The following PNPLA7 variants were observed in gnomAD, a reference collection of about 807,000 sequenced individuals.
PNPLA7 encodes the protein patatin like domain 7, lysophospholipase.
A neutral mutation model predicts 161.7 loss-of-function variants in PNPLA7; 153 were observed. That is an observed-to-expected ratio of 0.95 (90% CI 0.83 to 1.08). PNPLA7 has a LOEUF of 1.08. Among genes scored for constraint, PNPLA7 ranks in the 50% least tolerant of loss-of-function variants. The pLI is 0.00. For missense variants in PNPLA7, 1,739 were observed against 1,856.6 expected, an observed-to-expected ratio of 0.94 and a Z score of 1.16; for synonymous variants, 809 against 782.1, an observed-to-expected ratio of 1.03 and a Z score of -0.57.
At chr9:137,542,208 C>T (rs1211525730) in intron 7 of PNPLA7, among the ~76,000 whole-genome samples, 1 of 152,206 alleles carries the variant, frequency 6.6e-6, no homozygotes, top group African/African-American at 2.4e-5. Flanking sequence ...GTGCCTCATG[C>T]CTGTAATTCC....
rs762361036 is a variant in PNPLA7, at chr9:137,521,694, C to A, written c.899G>T (p.Arg300Met). The stretch of plus-strand genomic sequence containing the variant: ...GTTGTGCAGAGCCAGAAAGGTCACC[C>A]TCTGCAGCCGCACCATGATGATCTG... ...VVQIIMVRLQ[R>M]VTFLALHNYL... Residue 300 changes from arginine (R) to methionine (M), a missense_variant, in exon 10 of 35, where the codon AGG becomes ATG. Arg to Met is a moderately conservative substitution (Grantham distance 91). Around this residue, in one of 6 missense-constraint regions of PNPLA7, gnomAD observed 152 missense variants for 193.5 expected, o/e 0.79. Transcript: ENST00000406427. The A allele has an allele frequency of 9.3e-6, 15 of 1,611,388 alleles. No individual in the cohort carries two copies. In the South Asian group the frequency reaches 1.6e-4, roughly 18 times the overall value.
At chr9:137,534,634 G>A (rs1259741725) in intron 8 of PNPLA7, among the ~76,000 whole-genome samples, 1 of 152,194 alleles carries the variant, frequency 6.6e-6, no homozygotes, top group Non-Finnish European at 1.5e-5. Context: ...CCAGCGTCCT[G>A]CTCAGTCCTC....
intron 8 of PNPLA7, among the ~76,000 whole-genome samples, chr9:137,534,660 CCT>C (rs993325300): frequency 9.8e-5 from 15 of 152,344 alleles, no homozygotes; most frequent in African/African-American, 3.6e-4. Context: ...GGGAGTGTCC[CCT>C]GTTAACGAGC....
At chr9:137,494,380 C>T (rs887417270) in intron 19 of PNPLA7, among the ~76,000 whole-genome samples, 5 of 152,160 alleles carry the variant, frequency 3.3e-5, no homozygotes, top group Admixed American at 6.5e-5. Context: ...GCAGCCTGGG[C>T]GCCTCTCCAG....
Position 137,505,696 on chromosome 9 carries a change from G to C in PNPLA7, c.1391C>G (p.Thr464Arg), listed in dbSNP as rs145146000. The C allele has an allele frequency of 9.9e-6, 16 of 1,614,006 alleles. No homozygotes were observed. The African/African-American group carries it at 1.1e-4, about 11-fold the overall frequency. Residue 464 changes from threonine (T) to arginine (R), a missense_variant, in exon 14 of 35, where the codon ACG becomes AGG. Physicochemically the swap from Thr to Arg is moderately conservative, Grantham distance 71. This residue lies in a region of PNPLA7 where 481 missense variants were observed against 450.0 expected (regional missense o/e 1.07). Coordinates refer to ENST00000406427, the MANE Select transcript of PNPLA7 (RefSeq NM_001098537.3). ...CTTCCTGCTGGCCAGGGTCTCATCC[G>C]TGTGACTCTCTGAGTGCTGGGAGAC... is the stretch of plus-strand genomic sequence containing the variant. ...STVSQHSESH[T>R]DETLASRKSD...
chr9:137,537,488 T>C lies in PNPLA7; in HGVS notation c.747+3154A>G, dbSNP rs1259769002. On this transcript the variant is annotated intron_variant, in intron 8 of 34. Transcript: ENST00000406427. This position sits in a 1 kb window ranked among gnomAD's most constrained non-coding sequence, Gnocchi z 4.5. ...ACCCGCCACCACACCCAGCTAATTT[T>C]TGTATTTTTAGTAGGGATGGGTTTC... 6.6e-6 allele frequency among the ~76,000 whole-genome samples: 1 copy of C among 152,152 alleles called. No individual in the cohort carries two copies. Among genetic ancestry groups the C allele is most frequent in the Non-Finnish European group, 1.5e-5 (1 of 68,028 alleles).
At chr9:137,519,362 C>T (rs970129825) in intron 11 of PNPLA7, among the ~76,000 whole-genome samples, 34 of 152,166 alleles carry the variant, frequency 2.2e-4, no homozygotes, top group Admixed American at 3.3e-4. Flanking sequence ...GAGAGCCCAT[C>T]GCGGGAGGCC....
At chr9:137,522,588 T>C in intron 9 of PNPLA7, 141 bp downstream of exon 9, 1 of 941,774 alleles carries the variant, frequency 1.1e-6, no homozygotes, top group Non-Finnish European at 1.6e-6. Context: ...TCTCTATTCC[T>C]CTGAAATCAC....
At chr9:137,493,205 C>G in intron 19 of PNPLA7, 123 bp from the exon 20 acceptor site, 1 of 994,888 alleles carries the variant, frequency 1.0e-6, no homozygotes, top group South Asian at 1.4e-5. Context: ...TTTTCAAAAC[C>G]TCCATGAACT....
intron 8 of PNPLA7, among the ~76,000 whole-genome samples, chr9:137,526,341 G>A (rs1010685760): frequency 4.6e-5 from 7 of 152,010 alleles, no homozygotes; most frequent in African/African-American, 1.4e-4. Context: ...GCAATGGCGC[G>A]ATCTCAGCTC....
chr9:137,512,681 C>G (rs1834303271), intron 12 of PNPLA7, among the ~76,000 whole-genome samples: 1 of 152,120 alleles, frequency 6.6e-6, no homozygotes, highest in African/African-American at 2.4e-5. Flanking sequence ...TGGCTCATGC[C>G]TGTTTCCCAA....
chr9:137,461,778 G>A, intron 32 of PNPLA7, 153 bp downstream of exon 32: 1 of 1,191,852 alleles, frequency 8.4e-7, no homozygotes, highest in South Asian at 1.5e-5. Flanking sequence ...GCAGTCCTGA[G>A]CAATCCTTGT....
intron 14 of PNPLA7, among the ~76,000 whole-genome samples, chr9:137,503,702 G>A (rs1013773814): frequency 7.0e-6 from 1 of 143,690 alleles, no homozygotes; most frequent in Non-Finnish European, 1.5e-5. Flanking sequence ...GAAAGAAGGG[G>A]AAGGAAGGAG....
intron 20 of PNPLA7, among the ~76,000 whole-genome samples, chr9:137,489,221 C>T (rs1473794357): frequency 6.6e-6 from 1 of 152,208 alleles, no homozygotes; most frequent in East Asian, 1.9e-4. Context: ...GTGTTCGGGT[C>T]TGAGAGCTGA....
intron 9 of PNPLA7, 130 bp from the exon 10 acceptor site, chr9:137,521,846 G>C: frequency 3.0e-6 from 2 of 663,742 alleles, no homozygotes; most frequent in Non-Finnish European, 4.9e-6. Flanking sequence ...CCCTCTCAGG[G>C]TGAAAAACCC....
At position 137,537,900 on chromosome 9, in the gene PNPLA7, C is replaced by T. The variant is rs1024239499; in HGVS notation, c.747+2742G>A. Among the ~76,000 whole-genome samples the T allele has an allele frequency of 6.6e-6, 1 of 152,214 alleles. No individual in the cohort carries two copies. Among genetic ancestry groups the T allele is most frequent in the Non-Finnish European group, 1.5e-5 (1 of 68,046 alleles). On this transcript the variant is annotated intron_variant, in intron 8 of 34. Transcript: ENST00000406427. This position sits in a 1 kb window ranked among gnomAD's most constrained non-coding sequence, Gnocchi z 4.5. ...ATTTTTTGCTTAAAGAGAAACGAAT[C>T]ATCCAAGGTAGGTCGCATACAGATG...
chr9:137,478,157 G>T lies in PNPLA7; in HGVS notation c.2764-5C>A. 1 of 1,286,378 alleles carries T rather than the reference G, an allele frequency of 7.8e-7. No individual in the cohort carries two copies. The highest frequency in any genetic ancestry group is 1.5e-5 in the African/African-American group (1 of 64,842). 79.7% of individuals were successfully genotyped at this position (1,286,378 alleles called of 1,614,324 possible). The stretch of plus-strand genomic sequence containing the variant: ...GACATGCTTGTACATCTCCACCTGG[G>T]GGAGGAGCCGTCAGGCAGGGCTGGT... On this transcript the variant is annotated splice_polypyrimidine_tract_variant and splice_region_variant and intron_variant, in intron 24 of 34. Coordinates refer to ENST00000406427, the MANE Select transcript of PNPLA7 (RefSeq NM_001098537.3).
chr9:137,465,016 G>A (rs902751639), intron 26 of PNPLA7, among the ~76,000 whole-genome samples: 1 of 152,322 alleles, frequency 6.6e-6, no homozygotes, highest in African/African-American at 2.4e-5. Context: ...CAGTGAGGCA[G>A]GCAGGACTCG....
intron 26 of PNPLA7, among the ~76,000 whole-genome samples, chr9:137,465,968 T>C (rs1353412939): frequency 2.0e-5 from 3 of 152,182 alleles, no homozygotes; most frequent in East Asian, 1.9e-4. Context: ...ATTCTGATTC[T>C]GGAATCCATT....
Sources: gnomAD v4.1 joint callset for allele counts (sites outside exome capture counted in the v4.1 genomes callset) on GRCh38, gnomAD v4.1.1 for gene constraint, gnomAD v4.1.1 regional missense constraint, Gnocchi (gnomAD v3.1) non-coding constraint, MANE v1.5 for transcripts, NCBI Gene and HGNC (gene_info 2026-07-23, HGNC 2026-07-21) for gene names.